The following DNAJC5B variants were observed in gnomAD, a reference collection of about 807,000 sequenced individuals.
The protein encoded by DNAJC5B is dnaJ homolog subfamily C member 5B.
A neutral mutation model predicts 24.7 loss-of-function variants in DNAJC5B; 23 were observed. The observed-to-expected ratio is 0.93, with a 90% CI of 0.67 to 1.32. DNAJC5B has a LOEUF of 1.32. Ranked by LOEUF, DNAJC5B falls within the 40% of genes most tolerant of loss-of-function variation. The pLI, the probability that DNAJC5B is intolerant of heterozygous loss-of-function variation, is 0.00. For synonymous variants in DNAJC5B, 101 were observed against 90.1 expected, an observed-to-expected ratio of 1.12 and a Z score of -0.68; for missense variants, 238 against 240.8, an observed-to-expected ratio of 0.99 and a Z score of 0.08.
Position 66,076,677 on chromosome 8 carries a change from A to G in DNAJC5B, c.137A>G (p.His46Arg). The change falls in exon 4 of 6, where the codon CAC becomes CGC. Residue 46 changes from histidine to arginine, a missense_variant. Coordinates refer to ENST00000276570, the MANE Select transcript of DNAJC5B (RefSeq NM_033105.6). ...KKTYRKLALK[H>R]HPDKNPDDPA... ...TTTAAAAGAAAATTGGCCCTGAAAC[A>G]CCATCCAGACAAGAATCCAGATGAT... 6.2e-7 allele frequency: 1 copy of G among 1,614,116 alleles called. No individual in the cohort carries two copies. The highest frequency in any genetic ancestry group is 8.5e-7 in the Non-Finnish European group (1 of 1,180,002).
chr8:66,063,328 C>T (rs1807123723), intron 3 of DNAJC5B, among the ~76,000 whole-genome samples: 3 of 152,130 alleles, frequency 2.0e-5, no homozygotes, highest in African/African-American at 4.8e-5. Context: ...GGTGCTTTTA[C>T]CCATCTTTAT....
chr8:66,076,357 C>T (rs1159348754), intron 3 of DNAJC5B, among the ~76,000 whole-genome samples: 1 of 152,162 alleles, frequency 6.6e-6, no homozygotes, highest in African/African-American at 2.4e-5. Flanking sequence ...CTGATAGCTT[C>T]TTGGTAAAAA....
At chr8:66,027,747 A>T (rs1806277441) in intron 1 of DNAJC5B, among the ~76,000 whole-genome samples, 1 of 152,114 alleles carries the variant, frequency 6.6e-6, no homozygotes, top group Admixed American at 6.5e-5. Context: ...CATGGTAGGA[A>T]CTGACGCTAT....
chr8:66,039,346 C>CT (rs59355860), intron 1 of DNAJC5B, among the ~76,000 whole-genome samples: 31,617 of 130,546 alleles, frequency 0.24, 4,558 homozygotes, highest in Non-Finnish European at 0.33. Flanking sequence ...CCACTTCATA[C>CT]TTTTTTTTTT....
chr8:66,071,783 A>C (rs1014927526), intron 3 of DNAJC5B, among the ~76,000 whole-genome samples: 1 of 152,248 alleles, frequency 6.6e-6, no homozygotes, highest in African/African-American at 2.4e-5. Flanking sequence ...CACAATAAAA[A>C]GACTTGGAGC....
chr8:66,065,581 A>C (rs1404106527), intron 3 of DNAJC5B, among the ~76,000 whole-genome samples: 1 of 152,142 alleles, frequency 6.6e-6, no homozygotes, highest in African/African-American at 2.4e-5. Flanking sequence ...TACTGTACTC[A>C]AGCTTCTTGT....
chr8:66,061,330 A>G lies in DNAJC5B; in HGVS notation c.119+9664A>G, dbSNP rs1563599118. ...AAGGTATTCGGAAAGACCTGAATTCAACTCACTTTTCTCAGCCTCATTCTC... is the reference window on the plus strand; with the variant it reads ...AAGGTATTCGGAAAGACCTGAATTCGACTCACTTTTCTCAGCCTCATTCTC... On this transcript the variant is annotated intron_variant, in intron 3 of 5. Transcript: ENST00000276570. Among the ~76,000 whole-genome samples the G allele has an allele frequency of 2.6e-5, 4 of 152,334 alleles. No homozygotes were observed. The South Asian group carries it at 8.3e-4, about 32-fold the overall frequency.
chr8:66,059,694 C>T (rs113686959), intron 3 of DNAJC5B, among the ~76,000 whole-genome samples: 3 of 152,274 alleles, frequency 2.0e-5, no homozygotes, highest in South Asian at 2.1e-4. Flanking sequence ...TCTCCCAGGG[C>T]GTGGGAGGCA....
intron 3 of DNAJC5B, among the ~76,000 whole-genome samples, chr8:66,052,135 T>TG (rs1454400129): frequency 4.0e-5 from 6 of 151,502 alleles, no homozygotes; most frequent in African/African-American, 1.5e-4. Context: ...TTTTTTTTTT[T>TG]TTAGTAGAGA....
chr8:66,015,562 AG>A, the DNAJC5B span, among the ~76,000 whole-genome samples: 3 of 152,074 alleles, frequency 2.0e-5, no homozygotes, highest in African/African-American at 7.2e-5. Flanking sequence ...AATGAGAGAG[AG>A]AGAGAGAGAG....
At chr8:66,088,823 T>C (rs1054254592) in intron 5 of DNAJC5B, among the ~76,000 whole-genome samples, 1 of 152,140 alleles carries the variant, frequency 6.6e-6, no homozygotes, top group African/African-American at 2.4e-5. Context: ...ACTTCATTGT[T>C]CATATCACTA....
chr8:66,054,475 C>G (rs74867295), intron 3 of DNAJC5B, among the ~76,000 whole-genome samples: 37 of 152,316 alleles, frequency 2.4e-4, no homozygotes, highest in African/African-American at 8.9e-4. Context: ...AATTCCAGAT[C>G]TGATTTTTTC....
rs117448884 is a variant in DNAJC5B, at chr8:66,084,133, C to T, written c.505+3585C>T. 6.1e-3 allele frequency among the ~76,000 whole-genome samples: 936 copies of T among 152,294 alleles called. 11 individuals carry two copies. The highest frequency in any genetic ancestry group is 8.2e-3 in the Non-Finnish European group (558 of 68,026). On this transcript the variant is annotated intron_variant, in intron 5 of 5. Transcript: ENST00000276570. ...TAGTTAGATTCACGTTTATACTCCA[C>T]TAATCCAGAGCTCAGGCTGGTTAAG...
At chr8:66,051,994 T>C (rs1806858056) in intron 3 of DNAJC5B, among the ~76,000 whole-genome samples, 1 of 151,926 alleles carries the variant, frequency 6.6e-6, no homozygotes, top group African/African-American at 2.4e-5. Context: ...TGACAGAGTC[T>C]CACTCTGTCG....
rs201286506 is a variant in DNAJC5B at position 66,074,178 on chromosome 8, G to A, written c.120-2482G>A. Among the ~76,000 whole-genome samples the A allele has an allele frequency of 2.7e-4, 41 of 152,272 alleles. 1 individual carries two copies. In the East Asian group the frequency reaches 6.2e-3, roughly 23 times the overall value. On this transcript the variant is annotated intron_variant, in intron 3 of 5. Coordinates refer to ENST00000276570, the MANE Select transcript of DNAJC5B (RefSeq NM_033105.6). ...TATATAACAGCCTCATATAAACCACGAGATTGACAGACATTAAAATATTTT... is the reference window on the plus strand; with the variant it reads ...TATATAACAGCCTCATATAAACCACAAGATTGACAGACATTAAAATATTTT...
At chr8:66,036,702 T>C (rs145874257) in intron 1 of DNAJC5B, among the ~76,000 whole-genome samples, 120 of 152,344 alleles carry the variant, frequency 7.9e-4, no homozygotes, top group African/African-American at 2.7e-3. Flanking sequence ...TCATACTGAA[T>C]GGTGGGTCGG....
intron 3 of DNAJC5B, among the ~76,000 whole-genome samples, chr8:66,055,796 G>T (rs1427347717): frequency 6.6e-6 from 1 of 152,118 alleles, no homozygotes; most frequent in Non-Finnish European, 1.5e-5. Context: ...ATAAAAATTA[G>T]CTGGGCGTGG....
At chr8:66,058,235 T>C (rs1204808736) in intron 3 of DNAJC5B, among the ~76,000 whole-genome samples, 1 of 152,254 alleles carries the variant, frequency 6.6e-6, no homozygotes, top group Non-Finnish European at 1.5e-5. Flanking sequence ...TTCCTATTGA[T>C]AGATATTCAG....
intron 5 of DNAJC5B, among the ~76,000 whole-genome samples, chr8:66,099,298 A>G (rs888602697): frequency 5.3e-5 from 8 of 152,018 alleles, no homozygotes; most frequent in East Asian, 3.9e-4. Context: ...TTGCCATTGA[A>G]CATTTTTGGG....
Sources: gnomAD v4.1 joint callset for allele counts (sites outside exome capture counted in the v4.1 genomes callset) on GRCh38, gnomAD v4.1.1 for gene constraint, MANE v1.5 for transcripts, NCBI Gene and HGNC (gene_info 2026-07-23, HGNC 2026-07-21) for gene names.